CALN1: variants seen among roughly 807,000 people sequenced by gnomAD.
CALN1 encodes the protein calcium-binding protein 8.
Under a neutral mutation model 30.6 loss-of-function variants are expected in CALN1, and 17 were observed. The ratio of observed to expected loss-of-function variants is 0.56; its 90% CI spans 0.38 to 0.83. CALN1 has a LOEUF of 0.83. Among genes scored for constraint, CALN1 ranks in the 40% least tolerant of loss-of-function variants. CALN1 has a pLI of 0.00. For missense variants in CALN1, 291 were observed against 354.9 expected (o/e 0.82, Z 1.45); for synonymous variants, 156 against 131.4 (o/e 1.19, Z -1.28).
At chr7:72,271,575 A>AAAAATATATATATATATATATATATATAT in intron 3 of CALN1, among the ~76,000 whole-genome samples, 24 of 52,100 alleles carry the variant, frequency 4.6e-4, no homozygotes, top group South Asian at 1.2e-3. Flanking sequence ...AAAAAAAAAA[A>AAAAATATATATATATATATATATATATAT]ATATATATAT....
intron 5 of CALN1, among the ~76,000 whole-genome samples, chr7:71,927,775 T>C (rs1302386522): frequency 6.6e-6 from 1 of 152,166 alleles, no homozygotes; most frequent in Non-Finnish European, 1.5e-5. Context: ...CCTGTGTCCC[T>C]AAGTCTTGCA....
At chr7:72,428,467 C>T (rs1358182148) in intron 1 of CALN1, among the ~76,000 whole-genome samples, 1 of 151,690 alleles carries the variant, frequency 6.6e-6, no homozygotes, top group Non-Finnish European at 1.5e-5. Flanking sequence ...TCTCAGCTCA[C>T]TGCAGCCTCA....
intron 3 of CALN1, among the ~76,000 whole-genome samples, chr7:72,247,227 CTTTTTTTTTTTTTTTTTTTTTTT>C (rs764276435): frequency 6.4e-5 from 5 of 77,672 alleles, no homozygotes; most frequent in Admixed American, 5.0e-4. Context: ...CATTTTCTTT[CTTTTTTTTTTTTTTTTTTTTTTT>C]TTTTTTTTTT....
At chr7:72,113,456 T>G in intron 3 of CALN1, among the ~76,000 whole-genome samples, 1 of 152,202 alleles carries the variant, frequency 6.6e-6, no homozygotes, top group Non-Finnish European at 1.5e-5. Context: ...AAATATATAT[T>G]TTCTATATAA....
intron 2 of CALN1, among the ~76,000 whole-genome samples, chr7:72,321,259 G>A (rs1317528486): frequency 2.6e-5 from 4 of 152,276 alleles, no homozygotes; most frequent in Middle Eastern, 3.4e-3. Context: ...GCAGGAAACC[G>A]TCCCTGTCGA....
the CALN1 span, among the ~76,000 whole-genome samples, chr7:72,452,740 G>A: frequency 2.0e-5 from 3 of 152,298 alleles, no homozygotes; most frequent in South Asian, 6.2e-4. Context: ...AAGCTTATCA[G>A]AATAGAATCC....
At position 72,087,206 on chromosome 7, in the gene CALN1, A is replaced by C. The variant is rs138852481; in HGVS notation, c.388+18945T>G. Among the ~76,000 whole-genome samples, 568 of 152,320 alleles carry C rather than the reference A, an allele frequency of 3.7e-3. 5 individuals carry two copies. The highest frequency in any genetic ancestry group is 0.014 in the Middle Eastern group (4 of 294). Reference sequence around the variant, plus strand: ...ATCTAAATGTTTCACCCACTGAAATAGGCCAGAAATGAAAAATAAGAAGTA... The same window carrying C: ...ATCTAAATGTTTCACCCACTGAAATCGGCCAGAAATGAAAAATAAGAAGTA... On this transcript the variant is annotated intron_variant, in intron 4 of 6. Transcript: ENST00000395275.
Position 71,781,562 on chromosome 7 carries a change from G to A in CALN1, c.*6213C>T, listed in dbSNP as rs1019793041. 2.0e-5 allele frequency: 3 copies of A among 151,812 alleles called. No individual in the cohort carries two copies. Among genetic ancestry groups the A allele is most frequent in the African/African-American group, 7.3e-5 (3 of 41,102 alleles). The allele number at this position is 151,812 out of a possible 1,614,324, so 9.4% of individuals were successfully genotyped here. On this transcript the variant is annotated 3_prime_UTR_variant, in exon 7 of 7. Transcript: ENST00000395275. The stretch of plus-strand genomic sequence containing the variant: ...GAGGACAGCATCTGCAGCCCTTTAA[G>A]AACTTTCTTTGTCTCCCTCAGGTCC...
Position 71,835,003 on chromosome 7 carries a change from A to T in CALN1, c.502-24511T>A, listed in dbSNP as rs142378839. Among the ~76,000 whole-genome samples the T allele has an allele frequency of 8.7e-4, 132 of 152,108 alleles. 1 individual carries two copies. The East Asian group carries it at 0.019, about 22-fold the overall frequency. On this transcript the variant is annotated intron_variant, in intron 5 of 6. Transcript: ENST00000395275. ...CACATCACCATGCCCAGGTAATTTTAAAAAAAATTTTCATAGGGACGAGGT... is the reference window on the plus strand; with the variant it reads ...CACATCACCATGCCCAGGTAATTTTTAAAAAAATTTTCATAGGGACGAGGT...
chr7:71,990,180 G>A (rs1352987536), intron 5 of CALN1, among the ~76,000 whole-genome samples: 2 of 152,116 alleles, frequency 1.3e-5, no homozygotes, highest in Non-Finnish European at 2.9e-5. Context: ...CGATGAAAGT[G>A]ACCCCTGGTC....
chr7:72,225,558 C>T (rs1314608268), intron 3 of CALN1, among the ~76,000 whole-genome samples: 2 of 151,978 alleles, frequency 1.3e-5, no homozygotes, highest in Non-Finnish European at 2.9e-5. Context: ...AGATCACACA[C>T]AGCTCGGTCT....
At chr7:71,910,764 T>A (rs1372373439) in intron 5 of CALN1, among the ~76,000 whole-genome samples, 4 of 152,222 alleles carry the variant, frequency 2.6e-5, no homozygotes, top group Non-Finnish European at 4.4e-5. Flanking sequence ...GCTACCCTTG[T>A]TTCCTGCACC....
intron 5 of CALN1, among the ~76,000 whole-genome samples, chr7:71,943,397 A>G (rs10273440): frequency 0.68 from 103,707 of 151,970 alleles, 35,912 homozygotes; most frequent in Non-Finnish European, 0.72. Context: ...ATTACTTCAC[A>G]TATCCATGCC....
At chr7:72,370,799 C>A (rs1244944610) in intron 2 of CALN1, among the ~76,000 whole-genome samples, 2 of 151,834 alleles carry the variant, frequency 1.3e-5, no homozygotes, top group East Asian at 1.9e-4. Context: ...ATAATCCCAG[C>A]ACTTTGGGAG....
chr7:71,809,973 C>G lies in CALN1; in HGVS notation c.658+363G>C, dbSNP rs372295203. On this transcript the variant is annotated intron_variant, in intron 6 of 6. Transcript: ENST00000395275. ...TTTGCCCAAGGTCACACAACGGACT[C>G]GACCCAAGTTTGCCGGACAGCCAAA... Among the ~76,000 whole-genome samples the G allele has an allele frequency of 1.6e-4, 24 of 152,130 alleles. No homozygotes were observed. The East Asian group carries it at 4.5e-3, about 28-fold the overall frequency.
chr7:71,894,253 T>A (rs1793414992), intron 5 of CALN1, among the ~76,000 whole-genome samples: 2 of 152,152 alleles, frequency 1.3e-5, no homozygotes, highest in African/African-American at 4.8e-5. Context: ...CTTTATACTG[T>A]GTTTTAATAT....
intron 5 of CALN1, among the ~76,000 whole-genome samples, chr7:71,878,835 G>A (rs1792403833): frequency 6.6e-6 from 1 of 152,216 alleles, no homozygotes; most frequent in South Asian, 2.1e-4. Flanking sequence ...CGCCAAGCCT[G>A]AATTCCTGGT....
At chr7:72,402,903 G>A (rs1287460614) in intron 2 of CALN1, among the ~76,000 whole-genome samples, 2 of 152,142 alleles carry the variant, frequency 1.3e-5, no homozygotes, top group African/African-American at 2.4e-5. Flanking sequence ...AAAATTATTT[G>A]AGAATTGATT....
chr7:71,902,826 T>G (rs1485866599), intron 5 of CALN1, among the ~76,000 whole-genome samples: 3 of 152,112 alleles, frequency 2.0e-5, no homozygotes, highest in Non-Finnish European at 2.9e-5. Flanking sequence ...AATAATGTCT[T>G]TGACAGCCAT....
Sources: allele counts gnomAD v4.1 joint callset (sites outside exome capture counted in the v4.1 genomes callset), GRCh38; gene constraint gnomAD v4.1.1; transcripts MANE v1.5; gene names NCBI Gene and HGNC (gene_info 2026-07-23, HGNC 2026-07-21).